Variants in WHAMM observed in about 807,000 individuals in gnomAD.
WHAMM encodes WASP homolog associated with actin, golgi membranes and microtubules.
WHAMM carries 67 observed loss-of-function variants against 76.5 expected under a neutral mutation model. That is an observed-to-expected ratio of 0.88 (90% confidence interval 0.72 to 1.07). The LOEUF is 1.07. WHAMM is among the 50% of genes least tolerant of loss of function. WHAMM has a pLI of 0.00. For missense variants in WHAMM, 1,021 were observed against 1,051.1 expected (o/e 0.97, Z 0.40); for synonymous variants, 419 against 422.1 (o/e 0.99, Z 0.09).
chr15:82,810,702 G>T (rs765676041), intron 1 of WHAMM: 1 of 985,450 alleles, frequency 1.0e-6, no homozygotes, highest in Non-Finnish European at 1.2e-6. Flanking sequence ...GAATAACACG[G>T]ACTAAATGTA....
chr15:82,826,346 A>T, intron 6 of WHAMM, 64 bp from the exon 7 acceptor site: 7 of 1,559,420 alleles, frequency 4.5e-6, no homozygotes, highest in South Asian at 2.2e-5. Context: ...TTTTTCTTTT[A>T]ATCTTTTATG....
chr15:82,822,810 A>ATGTGTGTG (rs71451663), intron 5 of WHAMM, among the ~76,000 whole-genome samples: 2 of 150,692 alleles, frequency 1.3e-5, no homozygotes, highest in East Asian at 3.9e-4. Flanking sequence ...TGTAAGTAGT[A>ATGTGTGTG]TGTGTGTGTG....
At chr15:82,826,093 T>A (rs1349844698) in intron 6 of WHAMM, among the ~76,000 whole-genome samples, 1 of 152,192 alleles carries the variant, frequency 6.6e-6, no homozygotes, top group Non-Finnish European at 1.5e-5. Flanking sequence ...TATGGGGAAA[T>A]GTGTTTAAAC....
chr15:82,829,079 A>T (rs1052482665), intron 8 of WHAMM, among the ~76,000 whole-genome samples: 5 of 152,244 alleles, frequency 3.3e-5, no homozygotes, highest in African/African-American at 1.2e-4. Flanking sequence ...GTGATGCATG[A>T]TATCTATTGC....
At chr15:82,813,647 ATTTTTTTTTTTT>A (rs10563149) in intron 2 of WHAMM, among the ~76,000 whole-genome samples, 1,315 of 60,274 alleles carry the variant, frequency 0.022, 15 homozygotes, top group Admixed American at 0.034. Flanking sequence ...CTGGTGATGA[ATTTTTTTTTTTT>A]TTTTTTTTTT....
At position 82,809,914 on chromosome 15, in the gene WHAMM, C is replaced by G. The variant is rs2050595887; in HGVS notation, c.188C>G (p.Pro63Arg). 1 of 1,516,020 alleles carries G rather than the reference C, an allele frequency of 6.6e-7. No homozygotes were observed. Among genetic ancestry groups the G allele is most frequent in the Non-Finnish European group, 8.9e-7 (1 of 1,128,436 alleles). 93.9% of individuals were successfully genotyped at this position (1,516,020 alleles called of 1,614,324 possible). A position where few individuals can be genotyped will look rare whatever the true frequency, so the allele number is the denominator to read the frequency against. ...CTGCGCGAGGGGGCCCGGTTGGGGC[C>G]CGAGCCCGAGCCCAAGCCTGAGGCC... ...RRLREGARLG[P>R]EPEPKPEAAV... Residue 63 changes from proline to arginine, a missense_variant, in exon 1 of 10, where the codon CCC (proline) becomes CGC (arginine). By Grantham distance (103) the Pro-to-Arg change is moderately radical. This residue lies in a region of WHAMM where 501 missense variants were observed against 524.9 expected (regional missense o/e 0.95). Transcript: ENST00000286760.
At position 82,810,249 on chromosome 15, in the gene WHAMM, G is replaced by T. The variant is rs894734669; in HGVS notation, c.523G>T (p.Gly175Cys). 14 of 1,391,464 alleles carry T rather than the reference G, an allele frequency of 1.0e-5. No homozygotes were observed. In the African/African-American group the frequency reaches 2.1e-4, roughly 21 times the overall value. 86.2% of individuals were successfully genotyped at this position (1,391,464 alleles called of 1,614,324 possible). ...CGACGCACTCTTCCCGGCTGAGGGC[G>T]GCGCGGCCGACTGCGAAAGCCCGCG... ...VRDALFPAEG[G>C]AADCESPREF... The change falls in exon 1 of 10, where the codon GGC becomes TGC. Residue 175 changes from glycine to cysteine, a missense_variant. Physicochemically the swap from Gly to Cys is radical, Grantham distance 159. Around this residue, in one of 3 missense-constraint regions of WHAMM, gnomAD observed 501 missense variants for 524.9 expected, o/e 0.95. Transcript: ENST00000286760.
chr15:82,830,737 A>G lies in WHAMM; in HGVS notation c.1780A>G (p.Arg594Gly), dbSNP rs761860635. 4 of 1,613,992 alleles carry G rather than the reference A, an allele frequency of 2.5e-6. No homozygotes were observed. The highest frequency in any genetic ancestry group is 3.4e-6 in the Non-Finnish European group (4 of 1,179,880). The change falls in exon 9 of 10, where the codon AGA becomes GGA. Residue 594 changes from arginine to glycine, a missense_variant. By Grantham distance (125) the Arg-to-Gly change is moderately radical. Transcript: ENST00000286760. ...SVIHPSSRKT[R>G]GVPLSEAGNV... ...AATTCACCCGTCCTCTAGGAAAACT[A>G]GAGGTGTTCCCCTATCGGAAGCTGG...
Position 82,835,794 on chromosome 15 carries a change from T to A in WHAMM, c.*2258T>A, listed in dbSNP as rs1000537285. Reference sequence around the variant, plus strand: ...ATCAGGTCCAGATCCCAGAGACAGGTCCAGTGGCTGTGGCCCAGGCCTCCT... The same window carrying A: ...ATCAGGTCCAGATCCCAGAGACAGGACCAGTGGCTGTGGCCCAGGCCTCCT... On this transcript the variant is annotated 3_prime_UTR_variant, in exon 10 of 10. Transcript: ENST00000286760. 6.6e-6 allele frequency: 1 copy of A among 152,168 alleles called. No homozygotes were observed. The highest frequency in any genetic ancestry group is 2.4e-5 in the African/African-American group (1 of 41,418). 9.4% of individuals were successfully genotyped at this position (152,168 alleles called of 1,614,324 possible).
In WHAMM at chr15:82,833,658, A is replaced by C; in HGVS notation, c.*122A>C. The C allele has an allele frequency of 9.2e-7, 1 of 1,081,908 alleles. No individual in the cohort carries two copies. The highest frequency in any genetic ancestry group is 1.3e-6 in the Non-Finnish European group (1 of 771,090). The allele number at this position is 1,081,908 out of a possible 1,614,324, so 67.0% of individuals were successfully genotyped here. A position where few individuals can be genotyped will look rare whatever the true frequency, so the allele number is the denominator to read the frequency against. ...GGGCCACATAACACCCCGGAAGATC[A>C]GCAGGGCCTTGTGTAGGCTGCTGCA... On this transcript the variant is annotated 3_prime_UTR_variant, in exon 10 of 10. Coordinates refer to ENST00000286760, the MANE Select transcript of WHAMM (RefSeq NM_001080435.3).
In WHAMM at chr15:82,834,873, T is replaced by C. The variant is rs1228847978; in HGVS notation, c.*1337T>C. Reference sequence around the variant, plus strand: ...TAAGTGAATACTAAGGATGGAGCAATAGTGTTATTTTCCTCAGGAACTGAA... The same window carrying C: ...TAAGTGAATACTAAGGATGGAGCAACAGTGTTATTTTCCTCAGGAACTGAA... On this transcript the variant is annotated 3_prime_UTR_variant, in exon 10 of 10. Coordinates refer to ENST00000286760, the MANE Select transcript of WHAMM (RefSeq NM_001080435.3). 1 of 152,164 alleles carries C rather than the reference T, an allele frequency of 6.6e-6. No homozygotes were observed. The highest frequency in any genetic ancestry group is 2.4e-5 in the African/African-American group (1 of 41,432). The allele number at this position is 152,164 out of a possible 1,614,324, so 9.4% of individuals were successfully genotyped here. A position where few individuals can be genotyped will look rare whatever the true frequency, so the allele number is the denominator to read the frequency against.
intron 8 of WHAMM, among the ~76,000 whole-genome samples, chr15:82,828,677 G>T (rs1157745640): frequency 2.0e-5 from 3 of 152,210 alleles, no homozygotes; most frequent in Non-Finnish European, 4.4e-5. Context: ...GGGGTAGGCA[G>T]ATTTAAAATG....
chr15:82,823,153 A>C lies in WHAMM; in HGVS notation c.1324A>C (p.Lys442Gln). The change falls in exon 6 of 10, where the codon AAA (lysine) becomes CAA (glutamine). Residue 442 changes from lysine to glutamine, a missense_variant. Lys to Gln is a moderately conservative substitution (Grantham distance 53). Around this residue, in one of 3 missense-constraint regions of WHAMM, gnomAD observed 509 missense variants for 492.3 expected, o/e 1.03. Transcript: ENST00000286760. ...TCCATGTGAAAATCCAGAGGAACTTAAAGTCATTGACTGTGTGGTGGGGCT... is the reference window on the plus strand; with the variant it reads ...TCCATGTGAAAATCCAGAGGAACTTCAAGTCATTGACTGTGTGGTGGGGCT... The part of the protein sequence containing the change: ...YDPCENPEEL[K>Q]VIDCVVGLQD... 1 of 1,521,330 alleles carries C rather than the reference A, an allele frequency of 6.6e-7. No individual in the cohort carries two copies. The highest frequency in any genetic ancestry group is 8.9e-7 in the Non-Finnish European group (1 of 1,129,074). The allele number at this position is 1,521,330 out of a possible 1,614,324, so 94.2% of individuals were successfully genotyped here.
chr15:82,823,841 C>T (rs2151567481), intron 6 of WHAMM, among the ~76,000 whole-genome samples: 1 of 152,306 alleles, frequency 6.6e-6, no homozygotes, highest in Middle Eastern at 3.4e-3. Context: ...GCTGGGATTA[C>T]AGGTGTGAGC....
chr15:82,814,795 A>G (rs1596277804), intron 2 of WHAMM, among the ~76,000 whole-genome samples: 3 of 71,702 alleles, frequency 4.2e-5, no homozygotes, highest in Non-Finnish European at 5.0e-5. Flanking sequence ...TTTGAGACAG[A>G]GTCTCGCTCT....
intron 5 of WHAMM, among the ~76,000 whole-genome samples, chr15:82,822,826 A>G (rs58664944): frequency 0.35 from 51,665 of 148,562 alleles, 8,830 homozygotes; most frequent in Middle Eastern, 0.37. Context: ...GTGTGTGTGT[A>G]TATATATATA....
chr15:82,809,893 G>A lies in WHAMM; in HGVS notation c.167G>A (p.Arg56His). 1.3e-6 allele frequency: 2 copies of A among 1,551,788 alleles called. No homozygotes were observed. The highest frequency in any genetic ancestry group is 2.5e-5 in the East Asian group (1 of 39,954). ...CGTACCGCGCAGCAGCGGCGGCTGC[G>A]CGAGGGGGCCCGGTTGGGGCCCGAG... is the stretch of plus-strand genomic sequence containing the variant. ...HDRTAQQRRL[R>H]EGARLGPEPE... The change falls in exon 1 of 10, where the codon CGC becomes CAC. Residue 56 changes from arginine (R) to histidine (H), a missense_variant. By Grantham distance (29) the Arg-to-His change is conservative. Around this residue, in one of 3 missense-constraint regions of WHAMM, gnomAD observed 501 missense variants for 524.9 expected, o/e 0.95. Coordinates refer to ENST00000286760, the MANE Select transcript of WHAMM (RefSeq NM_001080435.3).
In WHAMM at chr15:82,810,129, G is replaced by T. The variant is rs1280288066; in HGVS notation, c.403G>T (p.Ala135Ser). 3.0e-6 allele frequency: 4 copies of T among 1,353,426 alleles called. No individual in the cohort carries two copies. Among genetic ancestry groups the T allele is most frequent in the African/African-American group, 1.5e-5 (1 of 65,172 alleles). 83.8% of individuals were successfully genotyped at this position (1,353,426 alleles called of 1,614,324 possible). ...GTGGGCGCTGCTGTGGCCGACGCGC[G>T]CGGGTCCCGGCGAGGCGGCGCTGCA... ...GLWALLWPTR[A>S]GPGEAALQEL... The change falls in exon 1 of 10, where the codon GCG becomes TCG. Residue 135 changes from alanine (A) to serine (S), a missense_variant. Transcript: ENST00000286760.
chr15:82,826,822 C>T lies in WHAMM; in HGVS notation c.1617C>T (p.Leu539=). The change falls in exon 8 of 10, where the codon CTC becomes CTT. Residue 539 remains leucine (L), a synonymous_variant. Transcript: ENST00000286760. ...TCAACCAAGAACGTCAAAAAACACT[C>T]CAACGATTGAGATCATTTAAAGATG... The part of the protein sequence containing the change: ...EWINQERQKT[L]QRLRSFKDKR... 6.5e-7 allele frequency: 1 copy of T among 1,549,036 alleles called. No homozygotes were observed. Among genetic ancestry groups the T allele is most frequent in the Non-Finnish European group, 8.7e-7 (1 of 1,146,814 alleles).
Sources: allele counts gnomAD v4.1 joint callset (sites outside exome capture counted in the v4.1 genomes callset), GRCh38; gene constraint gnomAD v4.1.1; regional missense constraint gnomAD v4.1.1; transcripts MANE v1.5; gene names NCBI Gene and HGNC (gene_info 2026-07-23, HGNC 2026-07-21).